HIRA: variants seen among roughly 807,000 people sequenced by gnomAD.
HIRA encodes the protein protein HIRA.
In HIRA, 13 loss-of-function variants were observed where a neutral mutation model predicts 126.6. That is an observed-to-expected ratio of 0.10 (90% CI 0.07 to 0.16). The LOEUF is 0.16. Among genes scored for constraint, HIRA ranks in the 10% least tolerant of loss-of-function variants. The probability of loss-of-function intolerance (pLI) is 1.00; values close to 1 mark genes in which losing one functional copy is unlikely to be tolerated. For synonymous variants in HIRA, 511 were observed against 520.0 expected, an observed-to-expected ratio of 0.98 and a Z score of 0.24; for missense variants, 834 against 1,314.4, an observed-to-expected ratio of 0.63 and a Z score of 5.65.
At chr22:19,345,262 A>T (rs1556008562) in intron 24 of HIRA, among the ~76,000 whole-genome samples, 1 of 152,266 alleles carries the variant, frequency 6.6e-6, no homozygotes, top group African/African-American at 2.4e-5. Flanking sequence ...ACTACTATAA[A>T]CAAAGCAAAA....
intron 19 of HIRA, 106 bp from the exon 20 acceptor site, chr22:19,356,394 T>C: frequency 1.1e-6 from 1 of 909,946 alleles, no homozygotes; most frequent in East Asian, 2.5e-5. Context: ...ACCCTAACCC[T>C]GGCCTCTCCT....
At chr22:19,385,465 C>T (rs1051380641) in intron 12 of HIRA, 56 bp downstream of exon 12, 2 of 1,524,126 alleles carry the variant, frequency 1.3e-6, no homozygotes, top group Non-Finnish European at 1.8e-6. Context: ...GTCTGCCCCT[C>T]ACCCTGTCCC....
rs369195565 is a variant in HIRA at position 19,359,490 on chromosome 22, T to G, written c.2086-6A>C. ...ATGGAAGGATCGGAGCTGACCTGGA[T>G]GAAGTAAACACACGGGTCTGCTCAG... On this transcript the variant is annotated splice_region_variant and splice_polypyrimidine_tract_variant and intron_variant, in intron 17 of 24. Transcript: ENST00000263208. 2 of 1,598,422 alleles carry G rather than the reference T, an allele frequency of 1.3e-6. No individual in the cohort carries two copies. Among genetic ancestry groups the G allele is most frequent in the Non-Finnish European group, 1.7e-6 (2 of 1,172,738 alleles).
At chr22:19,426,516 G>A (rs1303841500) in intron 1 of HIRA, among the ~76,000 whole-genome samples, 1 of 152,182 alleles carries the variant, frequency 6.6e-6, no homozygotes, top group Non-Finnish European at 1.5e-5. Context: ...ACCCGACTCT[G>A]CTGGTGAAGT....
At chr22:19,371,743 G>A (rs1039347315) in intron 15 of HIRA, among the ~76,000 whole-genome samples, 5 of 152,072 alleles carry the variant, frequency 3.3e-5, no homozygotes, top group Non-Finnish European at 7.4e-5. Context: ...TTTGTGACTG[G>A]CTTCTTTCTC....
intron 1 of HIRA, among the ~76,000 whole-genome samples, chr22:19,425,034 C>T (rs1037617457): frequency 2.6e-5 from 4 of 152,106 alleles, no homozygotes; most frequent in African/African-American, 7.2e-5. Flanking sequence ...TCCCAGCAGA[C>T]GTCCCCTCCT....
At chr22:19,369,607 CT>C in intron 15 of HIRA, among the ~76,000 whole-genome samples, 1 of 152,188 alleles carries the variant, frequency 6.6e-6, no homozygotes, top group South Asian at 2.1e-4. Flanking sequence ...CGCACCACCC[CT>C]AACCACTGCA....
At chr22:19,345,516 C>T (rs1417805913) in intron 24 of HIRA, among the ~76,000 whole-genome samples, 13 of 152,308 alleles carry the variant, frequency 8.5e-5, no homozygotes, top group South Asian at 2.1e-4. Context: ...CCAACCTTTT[C>T]GGCACCCAGG....
At chr22:19,346,701 G>A (rs2088690734) in intron 24 of HIRA, among the ~76,000 whole-genome samples, 1 of 152,220 alleles carries the variant, frequency 6.6e-6, no homozygotes, top group Non-Finnish European at 1.5e-5. Context: ...TCTGATGAGA[G>A]GGTGAATGTT....
chr22:19,381,140 T>G (rs1453343702), intron 13 of HIRA, among the ~76,000 whole-genome samples: 1 of 152,230 alleles, frequency 6.6e-6, no homozygotes, highest in African/African-American at 2.4e-5. Context: ...GCATCTCTGG[T>G]TGCATCCTAG....
At chr22:19,412,320 C>G (rs988931954) in intron 1 of HIRA, among the ~76,000 whole-genome samples, 2 of 152,178 alleles carry the variant, frequency 1.3e-5, no homozygotes, top group Non-Finnish European at 2.9e-5. Flanking sequence ...CCAAGCTATT[C>G]GAGCCATCCC....
intron 2 of HIRA, among the ~76,000 whole-genome samples, chr22:19,409,314 C>T (rs1381198203): frequency 6.7e-6 from 1 of 150,062 alleles, no homozygotes; most frequent in Admixed American, 6.6e-5. Context: ...GATGGAGTCT[C>T]ACTCTGTCTC....
intron 14 of HIRA, 148 bp from the exon 15 acceptor site, chr22:19,375,940 C>T (rs2089014575): frequency 1.2e-6 from 1 of 859,474 alleles, no homozygotes; most frequent in Non-Finnish European, 1.8e-6. Context: ...TCTACTACTC[C>T]CATTTCTTTA....
chr22:19,389,401 T>C (rs1006736595), intron 9 of HIRA, among the ~76,000 whole-genome samples: 4 of 151,974 alleles, frequency 2.6e-5, no homozygotes, highest in Non-Finnish European at 2.9e-5. Flanking sequence ...TGCAGGACAA[T>C]GGGCAGGGAA....
intron 9 of HIRA, among the ~76,000 whole-genome samples, chr22:19,390,195 T>C (rs894344346): frequency 2.0e-5 from 3 of 152,034 alleles, no homozygotes; most frequent in African/African-American, 7.2e-5. Context: ...CCGCCACAGT[T>C]CTTACCCTTG....
rs1159229257 is a variant in HIRA, at chr22:19,351,940, G to A, written c.2849-494C>T. ...AGGTCCATTAACTCAAGGGTTATGG[G>A]CACCACCCAGTAGGGCTGCTAGAAA... On this transcript the variant is annotated intron_variant, in intron 23 of 24. Coordinates refer to ENST00000263208, the MANE Select transcript of HIRA (RefSeq NM_003325.4). This position sits in a 1 kb window ranked among gnomAD's most constrained non-coding sequence, Gnocchi z 4.8. 6.6e-6 allele frequency among the ~76,000 whole-genome samples: 1 copy of A among 152,070 alleles called. No homozygotes were observed. The highest frequency in any genetic ancestry group is 1.5e-5 in the Non-Finnish European group (1 of 68,028).
chr22:19,410,053 G>A lies in HIRA; in HGVS notation c.100+663C>T, dbSNP rs571640250. 3.0e-3 allele frequency among the ~76,000 whole-genome samples: 459 copies of A among 152,322 alleles called. 3 individuals carry two copies. Among genetic ancestry groups the A allele is most frequent in the African/African-American group, 0.01 (431 of 41,576 alleles). ...GGAGGCCTGGTTGGAGGGAGGCCCC[G>A]CTCTGGGGTAAAGATGACAGAGGGC... On this transcript the variant is annotated intron_variant, in intron 2 of 24. Transcript: ENST00000263208.
chr22:19,423,399 GCTCCT>G (rs2089463185), intron 1 of HIRA, among the ~76,000 whole-genome samples: 1 of 151,890 alleles, frequency 6.6e-6, no homozygotes, highest in South Asian at 2.1e-4. Flanking sequence ...ATAACAGGCT[GCTCCT>G]CAAGAGCCTG....
chr22:19,422,171 T>TACAC (rs763716204), intron 1 of HIRA, among the ~76,000 whole-genome samples: 3,488 of 143,044 alleles, frequency 0.024, 53 homozygotes, highest in South Asian at 0.045. Flanking sequence ...TGTTTATATA[T>TACAC]ACACACACAC....
Sources: gnomAD v4.1 joint callset for allele counts (sites outside exome capture counted in the v4.1 genomes callset) on GRCh38, gnomAD v4.1.1 for gene constraint, Gnocchi (gnomAD v3.1) non-coding constraint, MANE v1.5 for transcripts, NCBI Gene and HGNC (gene_info 2026-07-23, HGNC 2026-07-21) for gene names.